ZNF804B: variants seen among roughly 807,000 people sequenced by gnomAD.
The protein encoded by ZNF804B is zinc finger 804B.
ZNF804B carries 80 observed loss-of-function variants against 101.4 expected under a neutral mutation model. That is an observed-to-expected ratio of 0.79 (90% CI 0.66 to 0.95). The LOEUF is 0.95. ZNF804B is among the 40% of genes least tolerant of loss of function. The pLI, the probability that ZNF804B is intolerant of heterozygous loss-of-function variation, is 0.00. For missense variants in ZNF804B, 1,673 were observed against 1,561.9 expected, an observed-to-expected ratio of 1.07 and a Z score of -1.20; for synonymous variants, 622 against 558.8, an observed-to-expected ratio of 1.11 and a Z score of -1.59.
intron 1 of ZNF804B, among the ~76,000 whole-genome samples, chr7:88,802,169 G>A (rs377363586): frequency 3.9e-5 from 6 of 152,200 alleles, no homozygotes; most frequent in African/African-American, 1.4e-4. Context: ...ATGACTGCAA[G>A]TTTCCTGAGA....
chr7:88,879,369 A>C (rs1232720172), intron 1 of ZNF804B, among the ~76,000 whole-genome samples: 1 of 152,232 alleles, frequency 6.6e-6, no homozygotes, highest in Non-Finnish European at 1.5e-5. Context: ...AAAGGCATAT[A>C]GTACATAAAC....
At chr7:89,146,952 C>T (rs1309159833) in intron 1 of ZNF804B, among the ~76,000 whole-genome samples, 1 of 151,498 alleles carries the variant, frequency 6.6e-6, no homozygotes, top group East Asian at 1.9e-4. Context: ...ATCACTTAAG[C>T]CTGGGAAGTG....
chr7:88,949,382 C>T (rs964491263), intron 1 of ZNF804B, among the ~76,000 whole-genome samples: 3 of 151,814 alleles, frequency 2.0e-5, no homozygotes, highest in Non-Finnish European at 4.4e-5. Flanking sequence ...CCAGACAATG[C>T]CAAAAATCCC....
At chr7:89,129,866 G>T (rs915668180) in intron 1 of ZNF804B, among the ~76,000 whole-genome samples, 1 of 151,974 alleles carries the variant, frequency 6.6e-6, no homozygotes, top group African/African-American at 2.4e-5. Flanking sequence ...ATTAGTGCCA[G>T]TGGCATTAGC....
intron 1 of ZNF804B, among the ~76,000 whole-genome samples, chr7:89,162,596 C>CAT (rs1562901730): frequency 6.8e-6 from 1 of 146,950 alleles, no homozygotes; most frequent in Non-Finnish European, 1.5e-5. Context: ...TTGGGTTGAA[C>CAT]TTTTTTTTTT....
chr7:89,181,001 G>A (rs2115581245), intron 1 of ZNF804B, among the ~76,000 whole-genome samples: 1 of 151,550 alleles, frequency 6.6e-6, no homozygotes. Context: ...GTATTGGTCT[G>A]AAATGGGGGC....
chr7:89,273,949 A>G (rs1371931600), intron 2 of ZNF804B, among the ~76,000 whole-genome samples: 1 of 152,028 alleles, frequency 6.6e-6, no homozygotes, highest in Non-Finnish European at 1.5e-5. Flanking sequence ...TTCTCAAGTC[A>G]GTAGCCACAT....
intron 1 of ZNF804B, among the ~76,000 whole-genome samples, chr7:88,903,852 C>T (rs1792428246): frequency 6.6e-6 from 1 of 151,932 alleles, no homozygotes; most frequent in African/African-American, 2.4e-5. Flanking sequence ...GATATTAGAC[C>T]TTGTTGATGC....
At chr7:88,949,712 A>G (rs1793188996) in intron 1 of ZNF804B, among the ~76,000 whole-genome samples, 1 of 151,936 alleles carries the variant, frequency 6.6e-6, no homozygotes, top group Non-Finnish European at 1.5e-5. Context: ...TGTGCTGCGT[A>G]AAGATGTTTT....
At chr7:89,082,282 T>A (rs1469690484) in intron 1 of ZNF804B, among the ~76,000 whole-genome samples, 2 of 151,696 alleles carry the variant, frequency 1.3e-5, no homozygotes, top group African/African-American at 4.8e-5. Context: ...AAATAGATAA[T>A]TTTTATCCGC....
At chr7:88,878,148 C>T (rs1791979558) in intron 1 of ZNF804B, among the ~76,000 whole-genome samples, 1 of 152,010 alleles carries the variant, frequency 6.6e-6, no homozygotes, top group South Asian at 2.1e-4. Context: ...ACTCATTATT[C>T]TCATTTGAAC....
At chr7:88,994,041 A>G (rs1053162170) in intron 1 of ZNF804B, among the ~76,000 whole-genome samples, 1 of 152,124 alleles carries the variant, frequency 6.6e-6, no homozygotes, top group Admixed American at 6.6e-5. Flanking sequence ...TGTTATTACA[A>G]TCTCTTCATA....
intron 1 of ZNF804B, among the ~76,000 whole-genome samples, chr7:89,124,521 G>C (rs1219314702): frequency 6.6e-6 from 1 of 152,086 alleles, no homozygotes; most frequent in Non-Finnish European, 1.5e-5. Context: ...AGCACTTCAG[G>C]TATGTAATAT....
At chr7:89,204,187 G>A (rs1788685128) in intron 1 of ZNF804B, among the ~76,000 whole-genome samples, 1 of 152,182 alleles carries the variant, frequency 6.6e-6, no homozygotes, top group Non-Finnish European at 1.5e-5. Context: ...AAAATGAAAT[G>A]TCAGATGCTA....
intron 1 of ZNF804B, among the ~76,000 whole-genome samples, chr7:88,819,315 G>A (rs1443335889): frequency 6.6e-6 from 1 of 151,882 alleles, no homozygotes; most frequent in Non-Finnish European, 1.5e-5. Flanking sequence ...ATTTTTAGTA[G>A]AGACGAGGTT....
intron 1 of ZNF804B, among the ~76,000 whole-genome samples, chr7:89,166,591 A>G (rs1791147694): frequency 6.6e-6 from 1 of 152,300 alleles, no homozygotes; most frequent in Non-Finnish European, 1.5e-5. Flanking sequence ...AAGCAATTCA[A>G]CTTTTTCTTG....
intron 1 of ZNF804B, among the ~76,000 whole-genome samples, chr7:88,920,256 C>T (rs544702819): frequency 3.9e-5 from 6 of 152,080 alleles, no homozygotes; most frequent in Non-Finnish European, 8.8e-5. Context: ...TAAATTAACT[C>T]CTGGCTTATA....
At chr7:89,087,527 C>G (rs562111327) in intron 1 of ZNF804B, among the ~76,000 whole-genome samples, 26 of 151,980 alleles carry the variant, frequency 1.7e-4, no homozygotes, top group African/African-American at 6.0e-4. Context: ...TTTAAATATG[C>G]AAGTGCTTTG....
intron 1 of ZNF804B, among the ~76,000 whole-genome samples, chr7:88,917,591 A>G (rs1792655270): frequency 6.6e-6 from 1 of 152,202 alleles, no homozygotes; most frequent in Admixed American, 6.6e-5. Flanking sequence ...ATAGAGAGGC[A>G]TCCATTATAT....
Sources: gnomAD v4.1 joint callset for allele counts (sites outside exome capture counted in the v4.1 genomes callset) on GRCh38, gnomAD v4.1.1 for gene constraint, MANE v1.5 for transcripts, NCBI Gene and HGNC (gene_info 2026-07-23, HGNC 2026-07-21) for gene names.